The following ATXN1 variants were observed in gnomAD, a reference collection of about 807,000 sequenced individuals.
ATXN1 encodes ataxin-1.
ATXN1 carries 8 observed loss-of-function variants against 56.4 expected under a neutral mutation model. That is an observed-to-expected ratio of 0.14 (90% confidence interval 0.08 to 0.26). The LOEUF (loss-of-function observed/expected upper bound fraction) is 0.26, where lower values mean the gene tolerates loss of function less well. Among genes scored for constraint, ATXN1 ranks in the 10% least tolerant of loss-of-function variants. ATXN1 has a pLI of 1.00. For synonymous variants in ATXN1, 514 were observed against 494.6 expected (o/e 1.04, Z -0.52); for missense variants, 987 against 1,106.5 (o/e 0.89, Z 1.53).
chr6:16,494,729 T>C (rs1476508378), intron 5 of ATXN1, among the ~76,000 whole-genome samples: 1 of 152,234 alleles, frequency 6.6e-6, no homozygotes, highest in Non-Finnish European at 1.5e-5. Context: ...ATATAGATGA[T>C]AAATACCCAA....
chr6:16,689,152 T>C (rs914563094), intron 2 of ATXN1, among the ~76,000 whole-genome samples: 4 of 152,144 alleles, frequency 2.6e-5, no homozygotes, highest in Non-Finnish European at 4.4e-5. Flanking sequence ...CATACTCTTT[T>C]GGATGGAGCT....
chr6:16,518,162 T>G (rs764724071), intron 5 of ATXN1, among the ~76,000 whole-genome samples: 7 of 151,848 alleles, frequency 4.6e-5, no homozygotes, highest in Non-Finnish European at 7.4e-5. Context: ...TGGGGGCGGG[T>G]AGGCCTGATG....
At chr6:16,518,812 A>T (rs1017954216) in intron 5 of ATXN1, among the ~76,000 whole-genome samples, 2 of 152,192 alleles carry the variant, frequency 1.3e-5, no homozygotes, top group African/African-American at 2.4e-5. Flanking sequence ...AATACAGTGA[A>T]TATTGGGAGT....
chr6:16,632,656 AG>A (rs1763526165), intron 3 of ATXN1, among the ~76,000 whole-genome samples: 1 of 145,426 alleles, frequency 6.9e-6, no homozygotes, highest in Non-Finnish European at 1.5e-5. Context: ...AAAAGCCAGG[AG>A]GGGGGTTAAG....
In ATXN1 at chr6:16,690,018, G is replaced by C. The variant is rs1162240698; in HGVS notation, c.-614-32117C>G. On this transcript the variant is annotated intron_variant, in intron 2 of 7. Coordinates refer to ENST00000436367, the MANE Select transcript of ATXN1 (RefSeq NM_001128164.2). ...GAGGAAGATGACACAAGCCAGAATAGAGGAAGATGAAACAAACCACTCAGG... is the reference window on the plus strand; with the variant it reads ...GAGGAAGATGACACAAGCCAGAATACAGGAAGATGAAACAAACCACTCAGG... Among the ~76,000 whole-genome samples, 5 of 152,098 alleles carry C rather than the reference G, an allele frequency of 3.3e-5. No homozygotes were observed. In the East Asian group the frequency reaches 9.6e-4, roughly 29 times the overall value.
intron 6 of ATXN1, among the ~76,000 whole-genome samples, chr6:16,463,722 T>A (rs572825410): frequency 1.1e-3 from 168 of 152,312 alleles, no homozygotes; most frequent in Non-Finnish European, 2.1e-3. Context: ...GCTTCTGAAA[T>A]CAGACAATGC....
At chr6:16,569,462 G>A (rs1762290658) in intron 4 of ATXN1, among the ~76,000 whole-genome samples, 1 of 151,054 alleles carries the variant, frequency 6.6e-6, no homozygotes, top group Admixed American at 6.6e-5. Flanking sequence ...AGGAGGTGGA[G>A]GCTGTAGTGA....
chr6:16,411,577 C>T (rs993850615), intron 6 of ATXN1, among the ~76,000 whole-genome samples: 4 of 151,970 alleles, frequency 2.6e-5, no homozygotes, highest in African/African-American at 9.7e-5. Flanking sequence ...ATCTCCCTGG[C>T]TGCATCAGGA....
At chr6:16,718,518 T>A in intron 2 of ATXN1, among the ~76,000 whole-genome samples, 1 of 152,062 alleles carries the variant, frequency 6.6e-6, no homozygotes, top group East Asian at 1.9e-4. Context: ...ACCAAGGGAG[T>A]AAGGAAGCTG....
At chr6:16,470,071 G>A (rs2113637705) in intron 6 of ATXN1, among the ~76,000 whole-genome samples, 1 of 152,248 alleles carries the variant, frequency 6.6e-6, no homozygotes, top group East Asian at 1.9e-4. Flanking sequence ...ACTAAAGGTG[G>A]AAGCAACCCA....
At chr6:16,372,908 T>C (rs1047669989) in intron 6 of ATXN1, among the ~76,000 whole-genome samples, 1 of 151,366 alleles carries the variant, frequency 6.6e-6, no homozygotes. Flanking sequence ...AGTGAGACAC[T>C]GTATCAAAAT....
intron 5 of ATXN1, among the ~76,000 whole-genome samples, chr6:16,505,055 G>T (rs1760957626): frequency 7.1e-6 from 1 of 141,832 alleles, no homozygotes; most frequent in African/African-American, 2.7e-5. Context: ...CATGGCTACT[G>T]CCTTCTACTA....
At chr6:16,482,053 T>TAAG (rs1304705361) in intron 6 of ATXN1, among the ~76,000 whole-genome samples, 42 of 152,180 alleles carry the variant, frequency 2.8e-4, no homozygotes, top group African/African-American at 9.2e-4. Flanking sequence ...CTCACATTTC[T>TAAG]TTATACACAT....
intron 6 of ATXN1, among the ~76,000 whole-genome samples, chr6:16,470,973 CTG>C (rs1760205343): frequency 6.6e-6 from 1 of 152,072 alleles, no homozygotes; most frequent in Non-Finnish European, 1.5e-5. Context: ...GGTACCTAGA[CTG>C]ATGTGAGGCA....
intron 6 of ATXN1, among the ~76,000 whole-genome samples, chr6:16,399,777 C>G (rs1448628511): frequency 6.6e-6 from 1 of 152,122 alleles, no homozygotes; most frequent in East Asian, 1.9e-4. Flanking sequence ...ACACCTCCAC[C>G]CCCTCCATCT....
intron 2 of ATXN1, among the ~76,000 whole-genome samples, chr6:16,726,902 A>G (rs1759862843): frequency 6.6e-6 from 1 of 152,210 alleles, no homozygotes; most frequent in Non-Finnish European, 1.5e-5. Context: ...CCTACTTCAG[A>G]TGGATTGCTC....
chr6:16,655,641 T>C (rs1466751532), intron 3 of ATXN1, among the ~76,000 whole-genome samples: 5 of 151,888 alleles, frequency 3.3e-5, no homozygotes, highest in Non-Finnish European at 5.9e-5. Flanking sequence ...CAAGCTACGA[T>C]TGCACCACTG....
chr6:16,418,083 T>C (rs1758952964), intron 6 of ATXN1, among the ~76,000 whole-genome samples: 1 of 152,188 alleles, frequency 6.6e-6, no homozygotes, highest in Admixed American at 6.5e-5. Flanking sequence ...CGCTCTGGTG[T>C]AGCAAAAGAT....
intron 6 of ATXN1, among the ~76,000 whole-genome samples, chr6:16,374,901 A>C (rs187308646): frequency 7.9e-5 from 12 of 152,358 alleles, no homozygotes; most frequent in Non-Finnish European, 1.5e-4. Context: ...CATTAACCCG[A>C]GCCCCTGAAT....
Sources: gnomAD v4.1 joint callset for allele counts (sites outside exome capture counted in the v4.1 genomes callset) on GRCh38, gnomAD v4.1.1 for gene constraint, MANE v1.5 for transcripts, NCBI Gene and HGNC (gene_info 2026-07-23, HGNC 2026-07-21) for gene names.